The following SETD7 variants were observed in gnomAD, a reference collection of about 807,000 sequenced individuals.
SETD7 encodes SET domain containing 7, histone lysine methyltransferase, also known as histone-lysine N-methyltransferase SETD7.
SETD7 carries 16 observed loss-of-function variants against 41.8 expected under a neutral mutation model. The ratio of observed to expected loss-of-function variants is 0.38; its 90% CI spans 0.26 to 0.58. SETD7 has a LOEUF of 0.58. SETD7 is among the 20% of genes least tolerant of loss of function. The probability of loss-of-function intolerance (pLI) is 0.64; values close to 1 mark genes in which losing one functional copy is unlikely to be tolerated. For synonymous variants in SETD7, 163 were observed against 169.7 expected, an observed-to-expected ratio of 0.96 and a Z score of 0.31; for missense variants, 346 against 459.7, an observed-to-expected ratio of 0.75 and a Z score of 2.26.
intron 2 of SETD7, among the ~76,000 whole-genome samples, chr4:139,540,258 C>T (rs556530255): frequency 6.6e-6 from 1 of 152,252 alleles, no homozygotes; most frequent in South Asian, 2.1e-4. Context: ...TGAATTGATT[C>T]CTCAGGAAAA....
At chr4:139,499,718 C>G (rs1320917888) in intron 7 of SETD7, among the ~76,000 whole-genome samples, 1 of 152,140 alleles carries the variant, frequency 6.6e-6, no homozygotes, top group African/African-American at 2.4e-5. Flanking sequence ...TGAGAAATTT[C>G]TCCTGTCTTC....
chr4:139,554,015 G>C (rs941190834), intron 1 of SETD7, among the ~76,000 whole-genome samples: 10 of 152,206 alleles, frequency 6.6e-5, no homozygotes, highest in African/African-American at 2.4e-4. Flanking sequence ...GTGCAAGTTA[G>C]AGCCTGAGAT....
intron 5 of SETD7, among the ~76,000 whole-genome samples, chr4:139,521,498 T>C (rs745801782): frequency 1.3e-5 from 2 of 152,172 alleles, no homozygotes; most frequent in Non-Finnish European, 2.9e-5. Flanking sequence ...GGAATGACCC[T>C]ACAGGAACTG....
At position 139,508,454 on chromosome 4, in the gene SETD7, A is replaced by G. The variant is rs1042085611; in HGVS notation, c.*3209T>C. 6.6e-6 allele frequency: 1 copy of G among 152,220 alleles called. No homozygotes were observed. The highest frequency in any genetic ancestry group is 2.4e-5 in the African/African-American group (1 of 41,448). The allele number at this position is 152,220 out of a possible 1,614,324, so 9.4% of individuals were successfully genotyped here. ...TCTTTCCAGTTGTTTTTGTTAGTCC[A>G]TTCAAATGTCCATTTGGGGACATGC... On this transcript the variant is annotated 3_prime_UTR_variant, in exon 8 of 8. Coordinates refer to ENST00000274031, the MANE Select transcript of SETD7 (RefSeq NM_030648.4).
chr4:139,496,222 C>G (rs1726451780), exon 8 of SETD7: 3 of 529,462 alleles, frequency 5.7e-6, no homozygotes, highest in Non-Finnish European at 1.0e-5. Context: ...TCTGGCACAA[C>G]TTATTAGGTA....
chr4:139,531,104 G>T (rs1303701267), intron 3 of SETD7, among the ~76,000 whole-genome samples: 1 of 152,188 alleles, frequency 6.6e-6, no homozygotes, highest in Non-Finnish European at 1.5e-5. Flanking sequence ...TCTCTACTGG[G>T]TAGGGGTTAA....
Position 139,555,339 on chromosome 4 carries a change from C to A in SETD7, c.40+759G>T, listed in dbSNP as rs1266198556. 6.6e-6 allele frequency among the ~76,000 whole-genome samples: 1 copy of A among 151,762 alleles called. No homozygotes were observed. The highest frequency in any genetic ancestry group is 2.4e-5 in the African/African-American group (1 of 41,316). Reference sequence around the variant, plus strand: ...TGGAATTCAGAAAGTTAAGTGTCACCCAGCAATCTCGGTGCGGACTCGCGG... The same window carrying A: ...TGGAATTCAGAAAGTTAAGTGTCACACAGCAATCTCGGTGCGGACTCGCGG... On this transcript the variant is annotated intron_variant, in intron 1 of 7. Transcript: ENST00000274031. The surrounding 1 kb of genome is among the most constrained non-coding windows in gnomAD (Gnocchi z 4.0).
chr4:139,502,992 G>A (rs1726614339), downstream of SETD7, among the ~76,000 whole-genome samples: 1 of 151,866 alleles, frequency 6.6e-6, no homozygotes, highest in Non-Finnish European at 1.5e-5. Context: ...AGACCAGACT[G>A]GGCGGTGAAA....
At chr4:139,525,412 C>G (rs1727300275) in intron 4 of SETD7, among the ~76,000 whole-genome samples, 1 of 152,220 alleles carries the variant, frequency 6.6e-6, no homozygotes, top group South Asian at 2.1e-4. Flanking sequence ...ACATCCTTTA[C>G]TTTCCCTCCT....
intron 2 of SETD7, chr4:139,546,353 T>C: frequency 4.7e-6 from 1 of 213,018 alleles, no homozygotes; most frequent in Non-Finnish European, 9.5e-6. Flanking sequence ...GCCAAGCATT[T>C]TTTCATCAAT....
intron 7 of SETD7, among the ~76,000 whole-genome samples, chr4:139,496,805 C>G (rs1224666042): frequency 2.0e-5 from 3 of 152,170 alleles, no homozygotes; most frequent in Non-Finnish European, 2.9e-5. Flanking sequence ...CACTCAGTCT[C>G]AGGTTTCTGG....
chr4:139,497,432 T>C (rs1039457787), intron 7 of SETD7, among the ~76,000 whole-genome samples: 1 of 151,254 alleles, frequency 6.6e-6, no homozygotes, highest in Non-Finnish European at 1.5e-5. Flanking sequence ...AACTCCAGCC[T>C]GGGCAACAAG....
chr4:139,506,452 T>G lies in SETD7; in HGVS notation c.*5211A>C, dbSNP rs919164154. 2.6e-5 allele frequency: 4 copies of G among 152,592 alleles called. No individual in the cohort carries two copies. The highest frequency in any genetic ancestry group is 9.6e-5 in the African/African-American group (4 of 41,452). 9.5% of individuals were successfully genotyped at this position (152,592 alleles called of 1,614,324 possible). A position where few individuals can be genotyped will look rare whatever the true frequency, so the allele number is the denominator to read the frequency against. ...TGTATTTCAGGATAAAGAGAGAACA[T>G]AGAACACCCAGGAGGAAACTTTTGA... is the stretch of plus-strand genomic sequence containing the variant. On this transcript the variant is annotated 3_prime_UTR_variant, in exon 8 of 8. Transcript: ENST00000274031.
intron 5 of SETD7, among the ~76,000 whole-genome samples, chr4:139,522,551 A>G (rs2082924060): frequency 6.6e-6 from 1 of 152,070 alleles, no homozygotes; most frequent in African/African-American, 2.4e-5. Context: ...CTGTTTGTGA[A>G]AAAAGAAATT....
chr4:139,528,912 C>T, intron 4 of SETD7, 119 bp downstream of exon 4: 1 of 878,356 alleles, frequency 1.1e-6, no homozygotes, highest in Non-Finnish European at 1.8e-6. Context: ...TAAAACCTGA[C>T]TAATAAACAC....
Position 139,547,021 on chromosome 4 carries a change from G to A in SETD7, c.69C>T (p.His23=), listed in dbSNP as rs368092587. The change falls in exon 2 of 8, where the codon CAC becomes CAT. Residue 23 remains histidine (H), a synonymous_variant. Transcript: ENST00000274031. ...EGHLDDDGLP[H]GFCTVTYSST... ...AGGAGTAGGTGACTGTGCAGAACCC[G>A]TGCGGTAATCCGTCATCGTCCAGGT... 1.3e-5 allele frequency: 21 copies of A among 1,614,088 alleles called. No individual in the cohort carries two copies. In the East Asian group the frequency reaches 2.7e-4, roughly 21 times the overall value.
chr4:139,513,656 G>A (rs1462059585), intron 7 of SETD7, among the ~76,000 whole-genome samples: 1 of 152,150 alleles, frequency 6.6e-6, no homozygotes, highest in East Asian at 1.9e-4. Context: ...TTTGGTGTGA[G>A]TCCTGATTCA....
chr4:139,505,701 CA>C (rs1193177505), downstream of SETD7, among the ~76,000 whole-genome samples: 1 of 152,166 alleles, frequency 6.6e-6, no homozygotes, highest in Non-Finnish European at 1.5e-5. Context: ...CAACGTCTAA[CA>C]AAATTTCTAT....
In SETD7 at chr4:139,555,869, C is replaced by T. The variant is rs1023922515; in HGVS notation, c.40+229G>A. On this transcript the variant is annotated intron_variant, in intron 1 of 7. Transcript: ENST00000274031. This position sits in a 1 kb window ranked among gnomAD's most constrained non-coding sequence, Gnocchi z 4.0. The stretch of plus-strand genomic sequence containing the variant: ...ATGGAGCGGCCGTGCGTTTCCAGCG[C>T]CCCCGGCCTGGCGGAGCCCCATTCT... Among the ~76,000 whole-genome samples, 3 of 152,036 alleles carry T rather than the reference C, an allele frequency of 2.0e-5. No individual in the cohort carries two copies. Among genetic ancestry groups the T allele is most frequent in the Non-Finnish European group, 2.9e-5 (2 of 67,940 alleles).
Sources: allele counts gnomAD v4.1 joint callset (sites outside exome capture counted in the v4.1 genomes callset), GRCh38; gene constraint gnomAD v4.1.1; non-coding constraint Gnocchi (gnomAD v3.1); transcripts MANE v1.5; gene names NCBI Gene and HGNC (gene_info 2026-07-23, HGNC 2026-07-21).